UGT2B7: variants seen among roughly 807,000 people sequenced by gnomAD.
UGT2B7 encodes UDP-glucuronosyltransferase 2B7.
Under a neutral mutation model 51.9 loss-of-function variants are expected in UGT2B7, and 51 were observed. The observed-to-expected ratio is 0.98, with a 90% CI of 0.78 to 1.24. UGT2B7 has a LOEUF of 1.24. Ranked by LOEUF, UGT2B7 falls within the 50% of genes most tolerant of loss-of-function variation. The pLI is 0.00. For synonymous variants in UGT2B7, 225 were observed against 211.6 expected (o/e 1.06, Z -0.55); for missense variants, 727 against 628.4 (o/e 1.16, Z -1.68).
chr4:69,083,613 A>G (rs1718883015), intron 1 of UGT2B7, among the ~76,000 whole-genome samples: 1 of 151,970 alleles, frequency 6.6e-6, no homozygotes, highest in Non-Finnish European at 1.5e-5. Context: ...TCATGGCTAA[A>G]CCTATTCCTA....
At chr4:69,061,040 T>A (rs1718334112) in intron 1 of UGT2B7, among the ~76,000 whole-genome samples, 1 of 152,060 alleles carries the variant, frequency 6.6e-6, no homozygotes, top group Non-Finnish European at 1.5e-5. Context: ...GGGAGCAGCT[T>A]CATACTAGAG....
chr4:69,064,036 G>GAAAA (rs1308564315), intron 1 of UGT2B7, among the ~76,000 whole-genome samples: 7 of 79,728 alleles, frequency 8.8e-5, no homozygotes, highest in African/African-American at 5.3e-4. Context: ...AAGAAAGAAA[G>GAAAA]AAAGAAAGAA....
intron 3 of UGT2B7, among the ~76,000 whole-genome samples, chr4:69,104,780 T>C (rs1239436582): frequency 6.6e-6 from 1 of 152,140 alleles, no homozygotes; most frequent in African/African-American, 2.4e-5. Flanking sequence ...ACAGGTGTTA[T>C]CAGAAAAAGT....
At chr4:69,110,599 A>G (rs1719744595) in intron 5 of UGT2B7, among the ~76,000 whole-genome samples, 1 of 152,150 alleles carries the variant, frequency 6.6e-6, no homozygotes, top group South Asian at 2.1e-4. Context: ...CAATGGAATT[A>G]CCCAACAACT....
At chr4:69,075,395 C>T (rs1381851952) in intron 1 of UGT2B7, among the ~76,000 whole-genome samples, 1 of 152,082 alleles carries the variant, frequency 6.6e-6, no homozygotes, top group Non-Finnish European at 1.5e-5. Flanking sequence ...CTTTTCCTCT[C>T]TTTCTCTCTC....
At position 69,112,906 on chromosome 4, in the gene UGT2B7, T is replaced by C; in HGVS notation, c.*170T>C. The C allele has an allele frequency of 9.9e-7, 1 of 1,015,066 alleles. No individual in the cohort carries two copies. The highest frequency in any genetic ancestry group is 2.0e-5 in the South Asian group (1 of 50,788). 62.9% of individuals were successfully genotyped at this position (1,015,066 alleles called of 1,614,324 possible). On this transcript the variant is annotated 3_prime_UTR_variant, in exon 6 of 6. Coordinates refer to ENST00000305231, the MANE Select transcript of UGT2B7 (RefSeq NM_001074.4). ...CAAATAAAAATTTGTTTTTCAGAGA[T>C]TTACCACCCAGTTCATGGTTAGAAA... is the stretch of plus-strand genomic sequence containing the variant.
chr4:69,053,564 G>T (rs1718097086), intron 1 of UGT2B7, among the ~76,000 whole-genome samples: 1 of 152,180 alleles, frequency 6.6e-6, no homozygotes, highest in African/African-American at 2.4e-5. Flanking sequence ...TCTTTTCCAG[G>T]ATTCTACAGC....
Position 69,102,920 on chromosome 4 carries a change from G to T in UGT2B7, c.984G>T (p.Leu328=), listed in dbSNP as rs1453583901. Residue 328 remains leucine, a synonymous_variant, in exon 3 of 6, where the codon CTG becomes CTT. Transcript: ENST00000305231. ...EERANVIASA[L]AQIPQKVLWR... ...GGGCCAACGTAATTGCATCAGCCCT[G>T]GCCCAGATCCCACAAAAGGTAAGAT... The T allele has an allele frequency of 6.2e-7, 1 of 1,612,734 alleles. No homozygotes were observed.
At chr4:69,097,660 T>A (rs1719286848) in intron 1 of UGT2B7, among the ~76,000 whole-genome samples, 1 of 152,124 alleles carries the variant, frequency 6.6e-6, no homozygotes. Flanking sequence ...CTTGTAAACT[T>A]GTTTTCTTAT....
At chr4:69,103,019 C>T in intron 3 of UGT2B7, 81 bp downstream of exon 3, 1 of 1,549,680 alleles carries the variant, frequency 6.5e-7, no homozygotes, top group Non-Finnish European at 8.7e-7. Context: ...ATAGAAACTT[C>T]TGATAAATGT....
intron 1 of UGT2B7, among the ~76,000 whole-genome samples, chr4:69,072,082 T>C (rs1718613855): frequency 6.6e-6 from 1 of 152,086 alleles, no homozygotes. Flanking sequence ...GAGAAATCTT[T>C]TCACATAAAG....
intron 1 of UGT2B7, among the ~76,000 whole-genome samples, chr4:69,053,430 A>ATTCCATCTG (rs1718092830): frequency 1.3e-5 from 2 of 152,232 alleles, no homozygotes; most frequent in Non-Finnish European, 2.9e-5. Flanking sequence ...TAGATCAAAT[A>ATTCCATCTG]TTCCATCTGC....
Position 69,064,076 on chromosome 4 carries a change from GAAAGAAAGAA to G in UGT2B7, c.-159+12476_-159+12485del, listed in dbSNP as rs1560499680. Among the ~76,000 whole-genome samples the G allele has an allele frequency of 5.2e-3, 555 of 106,400 alleles. 11 individuals carry two copies. Among genetic ancestry groups the G allele is most frequent in the African/African-American group, 0.025 (513 of 20,762 alleles). The allele number at this position is 106,400 out of a possible 152,430, so 69.8% of individuals were successfully genotyped here. The stretch of plus-strand genomic sequence containing the variant: ...AGAAAGAAAGAAAGAAAGAAAGAAA[GAAAGAAAGAA>G]AGAAAGAAAGAGAAAGAAAGAAAGA... On this transcript the variant is annotated intron_variant, in intron 1 of 5. Coordinates refer to the UGT2B7 transcript ENST00000502942.
At chr4:69,108,901 T>C (rs1346629385) in intron 5 of UGT2B7, among the ~76,000 whole-genome samples, 1 of 152,110 alleles carries the variant, frequency 6.6e-6, no homozygotes, top group Non-Finnish European at 1.5e-5. Flanking sequence ...CAGAAGTCAC[T>C]TCCTATGACC....
intron 3 of UGT2B7, among the ~76,000 whole-genome samples, chr4:69,106,163 A>C (rs1719592993): frequency 6.6e-6 from 1 of 151,922 alleles, no homozygotes; most frequent in Non-Finnish European, 1.5e-5. Flanking sequence ...TACATAGGTA[A>C]ACTTGTGTCA....
chr4:69,109,138 A>G (rs1719699252), intron 5 of UGT2B7, among the ~76,000 whole-genome samples: 1 of 151,780 alleles, frequency 6.6e-6, no homozygotes, highest in African/African-American at 2.4e-5. Flanking sequence ...AAGATATGTC[A>G]TATTTTAGTT....
At chr4:69,062,315 C>T (rs1335773495) in intron 1 of UGT2B7, among the ~76,000 whole-genome samples, 1 of 152,174 alleles carries the variant, frequency 6.6e-6, no homozygotes, top group Admixed American at 6.5e-5. Flanking sequence ...TAAAGGTAAT[C>T]TCCGTGAGCT....
chr4:69,060,969 A>G (rs963185372), intron 1 of UGT2B7, among the ~76,000 whole-genome samples: 4 of 152,172 alleles, frequency 2.6e-5, no homozygotes, highest in Non-Finnish European at 5.9e-5. Context: ...AAGTGTTCTC[A>G]AGCCAGAGAG....
intron 1 of UGT2B7, among the ~76,000 whole-genome samples, chr4:69,051,804 T>A (rs1191485865): frequency 6.6e-6 from 1 of 152,250 alleles, no homozygotes; most frequent in Non-Finnish European, 1.5e-5. Context: ...GGCACCTTTG[T>A]TCTGGTTTTG....
Sources: allele counts gnomAD v4.1 joint callset (sites outside exome capture counted in the v4.1 genomes callset), GRCh38; gene constraint gnomAD v4.1.1; transcripts MANE v1.5; gene names NCBI Gene and HGNC (gene_info 2026-07-23, HGNC 2026-07-21).